Variants in GAREM1 observed in about 807,000 individuals in gnomAD.
The protein encoded by GAREM1 is GRB2 associated regulator of MAPK1 subtype 1.
Under a neutral mutation model 71.3 loss-of-function variants are expected in GAREM1, and 26 were observed. That is an observed-to-expected ratio of 0.36 (90% CI 0.27 to 0.51). The LOEUF is 0.51. GAREM1 is among the 20% of genes least tolerant of loss of function. GAREM1 has a pLI of 0.95. For synonymous variants in GAREM1, 440 were observed against 433.2 expected (o/e 1.02, Z -0.20); for missense variants, 1,026 against 1,103.1 (o/e 0.93, Z 0.99).
intron 2 of GAREM1, among the ~76,000 whole-genome samples, chr18:32,321,135 G>A (rs2047424051): frequency 6.6e-6 from 1 of 152,004 alleles, no homozygotes; most frequent in African/African-American, 2.4e-5. Flanking sequence ...AAGAACCTAA[G>A]TGTTCCATAA....
At position 32,267,668 on chromosome 18, in the gene GAREM1, T is replaced by G; in HGVS notation, c.*203A>C. The G allele has an allele frequency of 1.9e-6, 1 of 526,142 alleles. No homozygotes were observed. Among genetic ancestry groups the G allele is most frequent in the South Asian group, 3.1e-5 (1 of 31,880 alleles). The allele number at this position is 526,142 out of a possible 1,614,324, so 32.6% of individuals were successfully genotyped here. On this transcript the variant is annotated 3_prime_UTR_variant, in exon 6 of 6. Coordinates refer to ENST00000269209, the MANE Select transcript of GAREM1 (RefSeq NM_001242409.2). ...TGTTGAGTGACGTACAAGGCACACC[T>G]CCAAGTGTTCTGTACAGCATTTTTA...
At chr18:32,268,919 T>A (rs1244249210) in intron 5 of GAREM1, among the ~76,000 whole-genome samples, 151 bp from the exon 6 acceptor site, 1 of 152,132 alleles carries the variant, frequency 6.6e-6, no homozygotes, top group Non-Finnish European at 1.5e-5. Flanking sequence ...GTTTTTTTTT[T>A]AAAGAATCTT....
chr18:32,333,616 A>T (rs2047558224), intron 2 of GAREM1, among the ~76,000 whole-genome samples: 2 of 152,168 alleles, frequency 1.3e-5, no homozygotes, highest in Middle Eastern at 3.2e-3. Context: ...AATAAAGTGG[A>T]AACCTCACCC....
chr18:32,286,541 C>T lies in GAREM1; in HGVS notation c.1566+490G>A, dbSNP rs373454863. ...AATGACACTAATATCCATTCTGTTGCCCAGGCTAAAAATCTAGGAGTTTTC... is the reference window on the plus strand; with the variant it reads ...AATGACACTAATATCCATTCTGTTGTCCAGGCTAAAAATCTAGGAGTTTTC... On this transcript the variant is annotated intron_variant, in intron 4 of 5. Coordinates refer to ENST00000269209, the MANE Select transcript of GAREM1 (RefSeq NM_001242409.2). Among the ~76,000 whole-genome samples the T allele has an allele frequency of 2.2e-4, 33 of 152,232 alleles. 1 individual carries two copies. Among genetic ancestry groups the T allele is most frequent in the African/African-American group, 7.7e-4 (32 of 41,540 alleles).
intron 1 of GAREM1, among the ~76,000 whole-genome samples, chr18:32,404,448 T>C: frequency 6.9e-6 from 1 of 144,876 alleles, no homozygotes; most frequent in Middle Eastern, 3.4e-3. Flanking sequence ...ATTCTTATGT[T>C]GCACAAAAAA....
intron 2 of GAREM1, among the ~76,000 whole-genome samples, chr18:32,370,832 G>C (rs2144626126): frequency 6.6e-6 from 1 of 151,944 alleles, no homozygotes; most frequent in Admixed American, 6.6e-5. Flanking sequence ...CAAACTACCT[G>C]CTGTTTACAA....
chr18:32,269,215 T>A (rs1242674005), intron 5 of GAREM1, among the ~76,000 whole-genome samples: 1 of 152,206 alleles, frequency 6.6e-6, no homozygotes, highest in Non-Finnish European at 1.5e-5. Context: ...CACCCGTGAC[T>A]CTATTTCCAC....
chr18:32,392,621 T>C (rs1457004940), intron 2 of GAREM1, among the ~76,000 whole-genome samples: 1 of 152,206 alleles, frequency 6.6e-6, no homozygotes, highest in African/African-American at 2.4e-5. Flanking sequence ...TGGCTACATG[T>C]ATTGATTTTA....
chr18:32,392,458 A>T (rs935437228), intron 2 of GAREM1, among the ~76,000 whole-genome samples: 8 of 152,332 alleles, frequency 5.3e-5, no homozygotes, highest in African/African-American at 1.9e-4. Flanking sequence ...ATATCCAGGT[A>T]TATGAACTAC....
intron 1 of GAREM1, among the ~76,000 whole-genome samples, chr18:32,452,691 C>T (rs1392541040): frequency 6.6e-6 from 1 of 152,140 alleles, no homozygotes; most frequent in Non-Finnish European, 1.5e-5. Flanking sequence ...GCCCTTGTTA[C>T]TGTGCTTGTA....
At chr18:32,370,649 A>G (rs1302822831) in intron 2 of GAREM1, among the ~76,000 whole-genome samples, 4 of 152,168 alleles carry the variant, frequency 2.6e-5, no homozygotes, top group Non-Finnish European at 5.9e-5. Context: ...GTGCCCCTCC[A>G]AACTGATTGA....
At chr18:32,286,378 C>T (rs1391214957) in intron 4 of GAREM1, among the ~76,000 whole-genome samples, 3 of 150,994 alleles carry the variant, frequency 2.0e-5, no homozygotes, top group Non-Finnish European at 3.0e-5. Context: ...TTAGCACATC[C>T]GCTATGCTTT....
chr18:32,374,934 G>T (rs1598999945), intron 2 of GAREM1, among the ~76,000 whole-genome samples: 1 of 152,054 alleles, frequency 6.6e-6, no homozygotes, highest in South Asian at 2.1e-4. Context: ...AGAAGAAAAG[G>T]CCCTTTCAAC....
At chr18:32,439,388 T>C (rs1171451611) in intron 1 of GAREM1, among the ~76,000 whole-genome samples, 1 of 152,268 alleles carries the variant, frequency 6.6e-6, no homozygotes, top group Admixed American at 6.5e-5. Flanking sequence ...AAGCACAGAA[T>C]TGACTCAGAT....
intron 3 of GAREM1, among the ~76,000 whole-genome samples, chr18:32,294,170 T>C (rs1268628207): frequency 6.6e-6 from 1 of 152,156 alleles, no homozygotes; most frequent in Non-Finnish European, 1.5e-5. Flanking sequence ...ATATACTGTG[T>C]TTACATAAGA....
chr18:32,311,443 A>G (rs1330177366), intron 2 of GAREM1, among the ~76,000 whole-genome samples: 4 of 152,218 alleles, frequency 2.6e-5, no homozygotes, highest in Admixed American at 6.5e-5. Context: ...TGTTCTTCCA[A>G]AGCTTACATT....
At chr18:32,460,461 C>T (rs530856357) in intron 1 of GAREM1, among the ~76,000 whole-genome samples, 1 of 152,312 alleles carries the variant, frequency 6.6e-6, no homozygotes, top group South Asian at 2.1e-4. Flanking sequence ...ATTAAAATAA[C>T]TTGCCCTGTA....
chr18:32,271,509 G>A (rs2041462740), intron 4 of GAREM1, among the ~76,000 whole-genome samples: 1 of 152,170 alleles, frequency 6.6e-6, no homozygotes, highest in East Asian at 1.9e-4. Flanking sequence ...GTAAATATGA[G>A]TGTGTATCAT....
intron 1 of GAREM1, among the ~76,000 whole-genome samples, chr18:32,416,469 T>C (rs1215180292): frequency 6.6e-6 from 1 of 151,810 alleles, no homozygotes. Flanking sequence ...TCAAATTATA[T>C]TAATACTACA....
Sources: gnomAD v4.1 joint callset for allele counts (sites outside exome capture counted in the v4.1 genomes callset) on GRCh38, gnomAD v4.1.1 for gene constraint, MANE v1.5 for transcripts, NCBI Gene and HGNC (gene_info 2026-07-23, HGNC 2026-07-21) for gene names.